The following ZNF343 variants were observed in gnomAD, a reference collection of about 807,000 sequenced individuals.
The protein encoded by ZNF343 is zinc finger protein 343.
ZNF343 carries 11 observed loss-of-function variants against 13.8 expected under a neutral mutation model. The observed-to-expected ratio is 0.80, with a 90% CI of 0.50 to 1.32. The LOEUF (loss-of-function observed/expected upper bound fraction) is 1.32. Ranked by LOEUF, ZNF343 falls within the 40% of genes most tolerant of loss-of-function variation. The pLI is 0.00. For synonymous variants in ZNF343, 248 were observed against 260.0 expected (o/e 0.95, Z 0.44); for missense variants, 658 against 714.2 (o/e 0.92, Z 0.90).
In ZNF343 at chr20:2,483,604, T is replaced by G. The variant is rs1404836525; in HGVS notation, c.1357A>C (p.Ile453Leu). The change falls in exon 6 of 6, where the codon ATC (isoleucine) becomes CTC (leucine). Residue 453 changes from isoleucine to leucine, a missense_variant. Coordinates refer to ENST00000278772, the MANE Select transcript of ZNF343 (RefSeq NM_024325.6). ...GRGFCDKSTL[I>L]IHERTHSGEK... ...CCAGAGTGCGTCCGCTCGTGTATGA[T>G]GAGGGTTGACTTGTCACAAAAGCCT... 1 of 1,613,590 alleles carries G rather than the reference T, an allele frequency of 6.2e-7. No individual in the cohort carries two copies. Among genetic ancestry groups the G allele is most frequent in the East Asian group, 2.2e-5 (1 of 44,858 alleles).
chr20:2,491,497 C>T (rs1285632401), intron 5 of ZNF343, among the ~76,000 whole-genome samples: 2 of 152,226 alleles, frequency 1.3e-5, no homozygotes, highest in East Asian at 1.9e-4. Flanking sequence ...AAAATGACTA[C>T]CCACAAGCTA....
At position 2,492,877 on chromosome 20, in the gene ZNF343, G is replaced by A. The variant is rs1459595926; in HGVS notation, c.178-52C>T. ...TAGCAAGCCACCATCAATCTTCCCT[G>A]TGTGTGGAGCACAGCTGGTGACCCT... On this transcript the variant is annotated intron_variant, in intron 4 of 5. Transcript: ENST00000278772. 5.0e-6 allele frequency: 8 copies of A among 1,604,712 alleles called. No homozygotes were observed. In the East Asian group the frequency reaches 8.9e-5, roughly 18 times the overall value.
chr20:2,493,242 G>A (rs1447930922), intron 4 of ZNF343, among the ~76,000 whole-genome samples: 4 of 152,130 alleles, frequency 2.6e-5, no homozygotes, highest in Non-Finnish European at 4.4e-5. Flanking sequence ...AGATTTAGAG[G>A]AGAGAATGGA....
In ZNF343 at chr20:2,494,337, T is replaced by C. The variant is rs577563231; in HGVS notation, c.-149-293A>G. Among the ~76,000 whole-genome samples, 150 of 152,214 alleles carry C rather than the reference T, an allele frequency of 9.9e-4. 1 individual carries two copies. Among genetic ancestry groups the C allele is most frequent in the African/African-American group, 3.4e-3 (143 of 41,546 alleles). On this transcript the variant is annotated intron_variant, in intron 2 of 5. Coordinates refer to ENST00000278772, the MANE Select transcript of ZNF343 (RefSeq NM_024325.6). ...TCAGTCTCTGCTACTACCTGAAGCC[T>C]GAGTCAGAGAGAAGACAGAATATAG...
rs548180950 is a variant in ZNF343, at chr20:2,490,950, G to A, written c.304+1749C>T. ...TTAGATGGAGCCAGGTCAGATGGGC[G>A]CTAGTTCAAACCAGAGCGAATCAGA... On this transcript the variant is annotated intron_variant, in intron 5 of 5. Coordinates refer to ENST00000278772, the MANE Select transcript of ZNF343 (RefSeq NM_024325.6). Among the ~76,000 whole-genome samples, 5 of 152,234 alleles carry A rather than the reference G, an allele frequency of 3.3e-5. No individual in the cohort carries two copies. In the South Asian group the frequency reaches 6.2e-4, roughly 19 times the overall value.
rs2085403918 is a variant in ZNF343 at position 2,493,563 on chromosome 20, C to G, written c.133G>C (p.Asp45His). The G allele has an allele frequency of 3.7e-6, 6 of 1,613,540 alleles. No individual in the cohort carries two copies. Among genetic ancestry groups the G allele is most frequent in the Non-Finnish European group, 4.2e-6 (5 of 1,179,880 alleles). The stretch of plus-strand genomic sequence containing the variant: ...TCCTTTTTCTGGGGGCAGTCAGTAT[C>G]ATTAGAAGGCAAGCCTAGGGAAAGA... ...NHKAKGLPSN[D>H]TDCPQKKEGK... The change falls in exon 4 of 6, where the codon GAT (aspartate) becomes CAT (histidine). Residue 45 changes from aspartate to histidine, a missense_variant. Physicochemically the swap from Asp to His is moderately conservative, Grantham distance 81. Transcript: ENST00000278772.
At chr20:2,520,818 G>T (rs918800861) in intron 1 of ZNF343, among the ~76,000 whole-genome samples, 2 of 152,138 alleles carry the variant, frequency 1.3e-5, no homozygotes, top group Non-Finnish European at 2.9e-5. Context: ...CTCTGGAAGA[G>T]AATATTGGGG....
At chr20:2,521,352 C>G (rs2085781545) in intron 1 of ZNF343, among the ~76,000 whole-genome samples, 1 of 152,154 alleles carries the variant, frequency 6.6e-6, no homozygotes. Flanking sequence ...ACAGTGGGGG[C>G]TTCTTCTCTG....
intron 2 of ZNF343, among the ~76,000 whole-genome samples, chr20:2,496,045 G>A (rs766201069): frequency 2.6e-5 from 4 of 152,050 alleles, no homozygotes; most frequent in African/African-American, 4.8e-5. Flanking sequence ...ACCAGCACTC[G>A]TGTAGCTGCC....
intron 3 of ZNF343, 35 bp from the exon 4 acceptor site, chr20:2,493,612 CCCCCCCA>C (rs532735236): frequency 3.4e-5 from 40 of 1,193,240 alleles, no homozygotes; most frequent in South Asian, 8.5e-5. Context: ...AGAAACCAGA[CCCCCCCA>C]CCCCCCACCC....
At chr20:2,506,330 C>G (rs2085655861) in intron 1 of ZNF343, among the ~76,000 whole-genome samples, 1 of 152,060 alleles carries the variant, frequency 6.6e-6, no homozygotes, top group Non-Finnish European at 1.5e-5. Context: ...AATAGGAACA[C>G]TTTTACACTG....
intron 4 of ZNF343, 84 bp downstream of exon 4, chr20:2,493,435 T>C (rs4815270): frequency 0.89 from 1,229,518 of 1,382,360 alleles, 549,735 homozygotes; most frequent in Admixed American, 0.92. Context: ...CGCCTTTTCC[T>C]TTCCCAAGAA....
At chr20:2,494,174 G>A in intron 2 of ZNF343, 130 bp from the exon 3 acceptor site, 1 of 335,848 alleles carries the variant, frequency 3.0e-6, no homozygotes. Flanking sequence ...CCATCTACAT[G>A]GGATCCCTGG....
At chr20:2,493,672 T>G in intron 3 of ZNF343, 95 bp from the exon 4 acceptor site, 2 of 1,177,310 alleles carry the variant, frequency 1.7e-6, no homozygotes, top group Non-Finnish European at 2.4e-6. Context: ...AGCCTTAGGA[T>G]GAAGGAAGTA....
intron 2 of ZNF343, among the ~76,000 whole-genome samples, chr20:2,497,375 C>T (rs891192784): frequency 1.3e-5 from 2 of 151,554 alleles, no homozygotes; most frequent in African/African-American, 4.9e-5. Flanking sequence ...GTTAGGAGGC[C>T]AGGGAAAAAA....
At chr20:2,514,768 A>C (rs1289255978) in intron 1 of ZNF343, among the ~76,000 whole-genome samples, 1 of 152,132 alleles carries the variant, frequency 6.6e-6, no homozygotes, top group Non-Finnish European at 1.5e-5. Context: ...GATCACTTGA[A>C]GCCAGGAGTT....
chr20:2,507,426 C>T (rs1477223633), intron 1 of ZNF343, among the ~76,000 whole-genome samples: 2 of 152,112 alleles, frequency 1.3e-5, no homozygotes, highest in African/African-American at 2.4e-5. Flanking sequence ...CATATTTATC[C>T]CTTTAATGCC....
intron 1 of ZNF343, among the ~76,000 whole-genome samples, chr20:2,516,655 G>A (rs2085760755): frequency 6.6e-6 from 1 of 152,036 alleles, no homozygotes; most frequent in South Asian, 2.1e-4. Context: ...TGAAACTGAG[G>A]GTCAGGGTGA....
At position 2,492,767 on chromosome 20, in the gene ZNF343, A is replaced by T. The variant is rs111448023; in HGVS notation, c.236T>A (p.Leu79Gln). The T allele has an allele frequency of 1.2e-6, 2 of 1,613,482 alleles. No homozygotes were observed. The highest frequency in any genetic ancestry group is 1.3e-5 in the African/African-American group (1 of 74,908). Residue 79 changes from leucine (L) to glutamine (Q), a missense_variant, in exon 5 of 6, where the codon CTG (leucine) becomes CAG (glutamine). By Grantham distance (113) the Leu-to-Gln change is moderately radical (BLOSUM62 -2). Coordinates refer to ENST00000278772, the MANE Select transcript of ZNF343 (RefSeq NM_024325.6). ...GTATAGATTCCTCTGCTCTGGACTC[A>T]GTCTCTTCCATTCTGCTTCTGTGAA... ...VIFTEAEWKR[L>Q]SPEQRNLYKE...
Sources: gnomAD v4.1 joint callset for allele counts (sites outside exome capture counted in the v4.1 genomes callset) on GRCh38, gnomAD v4.1.1 for gene constraint, MANE v1.5 for transcripts, NCBI Gene and HGNC (gene_info 2026-07-23, HGNC 2026-07-21) for gene names.